PCLO: variants seen among roughly 807,000 people sequenced by gnomAD.
The protein encoded by PCLO is protein piccolo.
In PCLO, 82 loss-of-function variants were observed where a neutral mutation model predicts 427.5. The observed-to-expected ratio is 0.19, with a 90% confidence interval of 0.16 to 0.23. PCLO has a LOEUF of 0.23. Among genes scored for constraint, PCLO ranks in the 10% least tolerant of loss-of-function variants. The pLI is 1.00. For missense variants in PCLO, 6,239 were observed against 6,115.9 expected, an observed-to-expected ratio of 1.02 and a Z score of -0.67; for synonymous variants, 2,357 against 2,155.4, an observed-to-expected ratio of 1.09 and a Z score of -2.59.
At chr7:83,127,517 G>A (rs901367123) in intron 3 of PCLO, among the ~76,000 whole-genome samples, 1 of 152,014 alleles carries the variant, frequency 6.6e-6, no homozygotes, top group African/African-American at 2.4e-5. Context: ...CTACTCTGTG[G>A]ATTGTAATAA....
At chr7:83,121,959 C>G (rs1182697327) in intron 3 of PCLO, among the ~76,000 whole-genome samples, 1 of 152,128 alleles carries the variant, frequency 6.6e-6, no homozygotes, top group Non-Finnish European at 1.5e-5. Flanking sequence ...AATCATCCAT[C>G]ATGACCAAGT....
At chr7:82,981,180 G>A (rs1038212665) in intron 3 of PCLO, among the ~76,000 whole-genome samples, 4 of 151,418 alleles carry the variant, frequency 2.6e-5, no homozygotes, top group South Asian at 2.1e-4. Flanking sequence ...AACATACTTC[G>A]TAACTATAGG....
intron 3 of PCLO, among the ~76,000 whole-genome samples, chr7:83,031,690 C>T (rs1788668820): frequency 2.6e-5 from 4 of 151,556 alleles, no homozygotes; most frequent in Admixed American, 2.0e-4. Context: ...GAATGAAAAG[C>T]TACATTAAGA....
intron 3 of PCLO, among the ~76,000 whole-genome samples, chr7:83,016,276 C>T (rs79098129): frequency 0.059 from 8,935 of 151,974 alleles, 368 homozygotes; most frequent in South Asian, 0.11. Flanking sequence ...AAAAAAACAA[C>T]GTGTGCAAAT....
chr7:83,091,659 A>G (rs1254889705), intron 3 of PCLO, among the ~76,000 whole-genome samples: 1 of 152,142 alleles, frequency 6.6e-6, no homozygotes. Flanking sequence ...ACTGATGTCA[A>G]TTTTGTACAT....
At chr7:82,784,240 C>G (rs936476819) in intron 22 of PCLO, among the ~76,000 whole-genome samples, 11 of 152,130 alleles carry the variant, frequency 7.2e-5, no homozygotes, top group Admixed American at 2.0e-4. Flanking sequence ...AACAAGGCTT[C>G]TATTCTCTCT....
chr7:82,919,182 C>T (rs997107748), intron 6 of PCLO, among the ~76,000 whole-genome samples: 1 of 151,866 alleles, frequency 6.6e-6, no homozygotes, highest in Non-Finnish European at 1.5e-5. Flanking sequence ...CACGTGTATA[C>T]CTAAGTAACA....
chr7:82,894,303 G>C (rs1793847722), intron 9 of PCLO: 1 of 152,300 alleles, frequency 6.6e-6, no homozygotes, highest in South Asian at 2.1e-4. Context: ...TGATCTTCAA[G>C]AACACTGGTG....
intron 22 of PCLO, among the ~76,000 whole-genome samples, chr7:82,788,232 A>G (rs1446472758): frequency 6.8e-6 from 1 of 147,584 alleles, no homozygotes; most frequent in Non-Finnish European, 1.5e-5. Context: ...TATATATAAT[A>G]TATAATTTAT....
rs376165596 is a variant in PCLO, at chr7:82,956,189, A to G, written c.4764T>C (p.Ser1588=). ...TTTCTTCCTTCTTCTGGCTCTCAGTACTGCTACTAATCTCTTTGAGCTGGT... is the reference window on the plus strand; with the variant it reads ...TTTCTTCCTTCTTCTGGCTCTCAGTGCTGCTACTAATCTCTTTGAGCTGGT... ...IRNQLKEISS[S]TESQKKEETK... The change falls in exon 5 of 25, where the codon AGT becomes AGC. Residue 1588 remains serine, a synonymous_variant. Transcript: ENST00000333891. 27 of 1,609,426 alleles carry G rather than the reference A, an allele frequency of 1.7e-5. No individual in the cohort carries two copies. The highest frequency in any genetic ancestry group is 2.1e-5 in the Non-Finnish European group (25 of 1,179,852).
At chr7:82,942,452 T>C (rs1488639156) in intron 6 of PCLO, among the ~76,000 whole-genome samples, 1 of 152,204 alleles carries the variant, frequency 6.6e-6, no homozygotes, top group Non-Finnish European at 1.5e-5. Context: ...CACAAATGAT[T>C]TGATTTTTTC....
chr7:83,051,037 C>T (rs77147207), intron 3 of PCLO, among the ~76,000 whole-genome samples: 1,584 of 152,104 alleles, frequency 0.01, 23 homozygotes, highest in African/African-American at 0.036. Flanking sequence ...AAACTCTCAG[C>T]AAATTAGGAA....
chr7:83,051,141 A>G (rs559979477), intron 3 of PCLO, among the ~76,000 whole-genome samples: 1 of 152,258 alleles, frequency 6.6e-6, no homozygotes, highest in South Asian at 2.1e-4. Flanking sequence ...CACTATTCCC[A>G]TAGGATTGGG....
chr7:82,854,198 C>T (rs1792742043), intron 10 of PCLO, among the ~76,000 whole-genome samples: 1 of 151,954 alleles, frequency 6.6e-6, no homozygotes, highest in Non-Finnish European at 1.5e-5. Context: ...AATGGTGTCC[C>T]CCTTACTGAG....
chr7:82,953,554 C>T lies in PCLO; in HGVS notation c.7399G>A (p.Val2467Ile). The T allele has an allele frequency of 6.2e-7, 1 of 1,613,064 alleles. No individual in the cohort carries two copies. Among genetic ancestry groups the T allele is most frequent in the South Asian group, 1.1e-5 (1 of 91,052 alleles). ...ACAGGTAATCCATTACTTCTCAGAA[C>T]AGCTGTGGTCTCTAGAGTAGTAACA... ...DAVTTLETTA[V>I]LRSNGLPVTR... The change falls in exon 5 of 25, where the codon GTT (valine) becomes ATT (isoleucine). Residue 2467 changes from valine to isoleucine, a missense_variant. This residue lies in a region of PCLO where 4,677 missense variants were observed against 4,468.4 expected (regional missense o/e 1.05). Coordinates refer to ENST00000333891, the MANE Select transcript of PCLO (RefSeq NM_033026.6).
At chr7:83,081,627 A>G (rs1790103599) in intron 3 of PCLO, among the ~76,000 whole-genome samples, 1 of 151,934 alleles carries the variant, frequency 6.6e-6, no homozygotes, top group Non-Finnish European at 1.5e-5. Flanking sequence ...AAGTTAACTT[A>G]GATTGCTATT....
At chr7:83,059,536 T>C (rs1404432166) in intron 3 of PCLO, among the ~76,000 whole-genome samples, 1 of 151,662 alleles carries the variant, frequency 6.6e-6, no homozygotes, top group African/African-American at 2.4e-5. Flanking sequence ...AGAGTGACTA[T>C]AAATTATTTT....
In PCLO at chr7:83,038,326, T is replaced by C. The variant is rs1216680055; in HGVS notation, c.3301-71839A>G. On this transcript the variant is annotated intron_variant, in intron 3 of 24. Transcript: ENST00000333891. ...CCACTGTCAACTTTAGAATTATTTT[T>C]ATAACTTCAAAATAAGCTCCATAAC... Among the ~76,000 whole-genome samples, 14 of 151,060 alleles carry C rather than the reference T, an allele frequency of 9.3e-5. No homozygotes were observed. In the Admixed American group the frequency reaches 9.3e-4, roughly 10 times the overall value.
intron 6 of PCLO, among the ~76,000 whole-genome samples, chr7:82,941,573 G>C (rs1224072367): frequency 6.6e-6 from 1 of 152,054 alleles, no homozygotes; most frequent in African/African-American, 2.4e-5. Flanking sequence ...GAAAACAAGT[G>C]GTTTGGATCA....
Sources: gnomAD v4.1 joint callset for allele counts (sites outside exome capture counted in the v4.1 genomes callset) on GRCh38, gnomAD v4.1.1 for gene constraint, gnomAD v4.1.1 regional missense constraint, MANE v1.5 for transcripts, NCBI Gene and HGNC (gene_info 2026-07-23, HGNC 2026-07-21) for gene names.